The following CSMD3 variants were observed in gnomAD, a reference collection of about 807,000 sequenced individuals.
The protein encoded by CSMD3 is CUB and sushi domain-containing protein 3.
Under a neutral mutation model 435.2 loss-of-function variants are expected in CSMD3, and 177 were observed. The observed-to-expected ratio is 0.41, with a 90% confidence interval of 0.36 to 0.46. The LOEUF is 0.46. Among genes scored for constraint, CSMD3 ranks in the 20% least tolerant of loss-of-function variants. The probability of loss-of-function intolerance (pLI) is 0.34; values close to 1 mark genes in which losing one functional copy is unlikely to be tolerated. For synonymous variants in CSMD3, 1,656 were observed against 1,520.5 expected (o/e 1.09, Z -2.07); for missense variants, 4,265 against 4,504.6 (o/e 0.95, Z 1.52).
intron 30 of CSMD3, among the ~76,000 whole-genome samples, chr8:112,499,978 T>A (rs10098507): frequency 2.0e-5 from 3 of 151,906 alleles, no homozygotes; most frequent in East Asian, 1.9e-4. Flanking sequence ...GCATGGTGGC[T>A]CATGCCTGTA....
chr8:112,314,120 A>G, intron 48 of CSMD3, 68 bp from the exon 49 acceptor site: 1 of 1,193,720 alleles, frequency 8.4e-7, no homozygotes, highest in South Asian at 1.3e-5. Context: ...AGTATTTTAT[A>G]TCTTTAGAAT....
chr8:113,164,719 A>G lies in CSMD3; in HGVS notation c.709+9003T>C, dbSNP rs182514686. ...TCATCACTGAATGGTTCAACCACGT[A>G]TATCTTTTACTTAACTTCCTACGTT... On this transcript the variant is annotated intron_variant, in intron 4 of 70. Coordinates refer to ENST00000297405, the MANE Select transcript of CSMD3 (RefSeq NM_198123.2). 2.0e-5 allele frequency among the ~76,000 whole-genome samples: 3 copies of G among 152,198 alleles called. No individual in the cohort carries two copies. The East Asian group carries it at 5.8e-4, about 29-fold the overall frequency.
At chr8:113,221,876 T>A (rs1284668437) in intron 3 of CSMD3, among the ~76,000 whole-genome samples, 1 of 151,292 alleles carries the variant, frequency 6.6e-6, no homozygotes, top group East Asian at 1.9e-4. Flanking sequence ...ATGTTTGCTG[T>A]TTACTTTTTA....
intron 32 of CSMD3, among the ~76,000 whole-genome samples, chr8:112,416,607 C>A (rs969983843): frequency 2.0e-4 from 31 of 152,110 alleles, no homozygotes; most frequent in Non-Finnish European, 2.9e-5. Flanking sequence ...TAGAGGTTCA[C>A]TGATTTAGCA....
At chr8:113,133,912 A>G (rs1235325093) in intron 4 of CSMD3, among the ~76,000 whole-genome samples, 1 of 152,072 alleles carries the variant, frequency 6.6e-6, no homozygotes, top group Non-Finnish European at 1.5e-5. Flanking sequence ...GGTAAAGAGG[A>G]GTTGTTTAAC....
At chr8:112,731,213 C>T (rs1219791802) in intron 13 of CSMD3, among the ~76,000 whole-genome samples, 1 of 152,112 alleles carries the variant, frequency 6.6e-6, no homozygotes, top group Non-Finnish European at 1.5e-5. Context: ...GATAGATCTA[C>T]ACTAAAAGGA....
At chr8:112,536,467 A>G (rs1309986073) in intron 27 of CSMD3, among the ~76,000 whole-genome samples, 1 of 152,148 alleles carries the variant, frequency 6.6e-6, no homozygotes, top group Non-Finnish European at 1.5e-5. Flanking sequence ...CAAAACCACA[A>G]TGAGATACCA....
chr8:112,867,032 A>G (rs971413265), intron 10 of CSMD3, among the ~76,000 whole-genome samples: 1 of 152,102 alleles, frequency 6.6e-6, no homozygotes, highest in Non-Finnish European at 1.5e-5. Flanking sequence ...AGGCAAGACA[A>G]TAAATATTCT....
intron 6 of CSMD3, among the ~76,000 whole-genome samples, chr8:113,007,506 C>T (rs879562925): frequency 1.3e-5 from 2 of 151,854 alleles, no homozygotes; most frequent in African/African-American, 4.8e-5. Context: ...CATCTTCAAG[C>T]CAAAGAGAAA....
intron 4 of CSMD3, among the ~76,000 whole-genome samples, chr8:113,144,043 G>T (rs2131743340): frequency 6.6e-6 from 1 of 150,700 alleles, no homozygotes; most frequent in African/African-American, 2.4e-5. Context: ...AATAAAATGT[G>T]ATAATTATTT....
intron 38 of CSMD3, among the ~76,000 whole-genome samples, chr8:112,368,950 C>G (rs1161062009): frequency 6.6e-6 from 1 of 152,036 alleles, no homozygotes; most frequent in Non-Finnish European, 1.5e-5. Context: ...AAAATGTTAG[C>G]TTTTTAAACA....
chr8:113,147,256 C>T (rs2091697671), intron 4 of CSMD3, among the ~76,000 whole-genome samples: 1 of 151,466 alleles, frequency 6.6e-6, no homozygotes, highest in Non-Finnish European at 1.5e-5. Context: ...TTATTGAGTT[C>T]TGTAAGAGAT....
At chr8:113,076,642 C>A (rs1377745744) in intron 5 of CSMD3, among the ~76,000 whole-genome samples, 2 of 152,162 alleles carry the variant, frequency 1.3e-5, no homozygotes, top group Admixed American at 6.5e-5. Context: ...AAAAACATGA[C>A]ATTTTTAATA....
chr8:112,447,086 A>G (rs1815691818), intron 32 of CSMD3, among the ~76,000 whole-genome samples: 1 of 152,198 alleles, frequency 6.6e-6, no homozygotes. Flanking sequence ...TAAAAATAAA[A>G]TATAGTAGCA....
chr8:112,287,347 G>A, intron 57 of CSMD3, 101 bp from the exon 58 acceptor site: 2 of 1,031,916 alleles, frequency 1.9e-6, no homozygotes, highest in Non-Finnish European at 3.0e-6. Flanking sequence ...TGTGCATGCG[G>A]TGTTTTAGCA....
At chr8:112,359,224 A>T (rs1586870209) in intron 38 of CSMD3, among the ~76,000 whole-genome samples, 1 of 152,190 alleles carries the variant, frequency 6.6e-6, no homozygotes, top group African/African-American at 2.4e-5. Context: ...CATTTTTAAA[A>T]AGCATTGAAA....
At position 112,343,880 on chromosome 8, in the gene CSMD3, T is replaced by C. The variant is rs531038920; in HGVS notation, c.6443-2194A>G. ...CCCAGGCTGGTTGATTATTTATTTA[T>C]TATTTATTTATTTATTTTTTGAGAT... is the stretch of plus-strand genomic sequence containing the variant. On this transcript the variant is annotated intron_variant, in intron 41 of 70. Transcript: ENST00000297405. 5.0e-4 allele frequency among the ~76,000 whole-genome samples: 76 copies of C among 151,852 alleles called. 1 individual carries two copies. The highest frequency in any genetic ancestry group is 1.8e-3 in the African/African-American group (74 of 41,440).
At chr8:113,283,461 G>T (rs1444562293) in intron 2 of CSMD3, among the ~76,000 whole-genome samples, 1 of 151,858 alleles carries the variant, frequency 6.6e-6, no homozygotes, top group Non-Finnish European at 1.5e-5. Context: ...TATACAAATG[G>T]CAACAAACGT....
intron 32 of CSMD3, among the ~76,000 whole-genome samples, chr8:112,453,595 G>C (rs1411143626): frequency 1.3e-5 from 2 of 152,054 alleles, no homozygotes; most frequent in Non-Finnish European, 2.9e-5. Flanking sequence ...ACAAAATAGT[G>C]CTGAAATAAG....
Sources: allele counts gnomAD v4.1 joint callset (sites outside exome capture counted in the v4.1 genomes callset), GRCh38; gene constraint gnomAD v4.1.1; transcripts MANE v1.5; gene names NCBI Gene and HGNC (gene_info 2026-07-23, HGNC 2026-07-21).